Variants in DLEU7 observed in about 807,000 individuals in gnomAD.
DLEU7 encodes deleted in lymphocytic leukemia 7, also known as leukemia-associated protein 7.
A neutral mutation model predicts 16.0 loss-of-function variants in DLEU7; 17 were observed. The observed-to-expected ratio is 1.06, with a 90% CI of 0.73 to 1.59. The LOEUF is 1.59. DLEU7 is among the 40% of genes most tolerant of loss of function. The probability of loss-of-function intolerance (pLI) is 0.00; values close to 1 mark genes in which losing one functional copy is unlikely to be tolerated. For missense variants in DLEU7, 308 were observed against 314.9 expected, an observed-to-expected ratio of 0.98 and a Z score of 0.17; for synonymous variants, 113 against 139.8, an observed-to-expected ratio of 0.81 and a Z score of 1.35.
At chr13:50,715,311 C>A (rs1018566410) in intron 1 of DLEU7, 3 of 152,176 alleles carry the variant, frequency 2.0e-5, no homozygotes, top group African/African-American at 7.2e-5. Flanking sequence ...TTACCTTAAC[C>A]ACATCTGCAA....
At chr13:50,755,265 A>G (rs1262727379) in intron 1 of DLEU7, among the ~76,000 whole-genome samples, 1 of 152,192 alleles carries the variant, frequency 6.6e-6, no homozygotes, top group Admixed American at 6.5e-5. Context: ...GTTTTACTCT[A>G]TTATTCCCCC....
chr13:50,751,143 G>T (rs528479156), intron 1 of DLEU7, among the ~76,000 whole-genome samples: 158 of 152,288 alleles, frequency 1.0e-3, no homozygotes, highest in African/African-American at 3.6e-3. Flanking sequence ...ATCACAAAGG[G>T]ATGCTGGATT....
chr13:50,817,484 C>T (rs920681088), intron 1 of DLEU7, among the ~76,000 whole-genome samples: 4 of 152,088 alleles, frequency 2.6e-5, no homozygotes, highest in Non-Finnish European at 2.9e-5. Flanking sequence ...ACACTGGGAT[C>T]CCTGATGAGG....
Position 50,767,222 on chromosome 13 carries a change from G to A in DLEU7, c.460-53982C>T, listed in dbSNP as rs565001774. On this transcript the variant is annotated intron_variant, in intron 1 of 1. Transcript: ENST00000400393. Reference sequence around the variant, plus strand: ...TGTAATCCCAGCACTTTGGGAGGCCGAGGCGGGCAGATCATGAGGTCAGGA... The same window carrying A: ...TGTAATCCCAGCACTTTGGGAGGCCAAGGCGGGCAGATCATGAGGTCAGGA... Among the ~76,000 whole-genome samples the A allele has an allele frequency of 2.6e-5, 4 of 152,122 alleles. No homozygotes were observed. The East Asian group carries it at 5.8e-4, about 22-fold the overall frequency.
intron 1 of DLEU7, among the ~76,000 whole-genome samples, chr13:50,826,184 G>A (rs1021980893): frequency 3.3e-5 from 5 of 152,072 alleles, no homozygotes; most frequent in Non-Finnish European, 7.4e-5. Context: ...TGATACAACA[G>A]GAGGAGGAGC....
intron 1 of DLEU7, among the ~76,000 whole-genome samples, chr13:50,783,555 C>T (rs989007535): frequency 6.6e-6 from 1 of 152,122 alleles, no homozygotes; most frequent in African/African-American, 2.4e-5. Context: ...GCTTCCCTCC[C>T]TAGTATGGGG....
chr13:50,749,724 C>T (rs1260979714), intron 1 of DLEU7, among the ~76,000 whole-genome samples: 1 of 151,994 alleles, frequency 6.6e-6, no homozygotes, highest in African/African-American at 2.4e-5. Flanking sequence ...TTTGTTTGGC[C>T]ATTTGTATAT....
At chr13:50,756,618 G>C (rs983007067) in intron 1 of DLEU7, among the ~76,000 whole-genome samples, 1 of 152,154 alleles carries the variant, frequency 6.6e-6, no homozygotes, top group Non-Finnish European at 1.5e-5. Flanking sequence ...AGCAGGGCTT[G>C]AGAACTTGCC....
intron 1 of DLEU7, among the ~76,000 whole-genome samples, chr13:50,812,656 A>G (rs1414769837): frequency 2.6e-5 from 4 of 152,182 alleles, no homozygotes; most frequent in Non-Finnish European, 5.9e-5. Context: ...AAACAGCTTT[A>G]CATCAATCAC....
intron 1 of DLEU7, among the ~76,000 whole-genome samples, chr13:50,715,085 G>T (rs1291902354): frequency 6.6e-6 from 1 of 152,132 alleles, no homozygotes; most frequent in Non-Finnish European, 1.5e-5. Flanking sequence ...GCGGGCTGTC[G>T]GCGGGAACTG....
At chr13:50,718,415 G>A (rs898188350) in intron 1 of DLEU7, among the ~76,000 whole-genome samples, 5 of 152,196 alleles carry the variant, frequency 3.3e-5, no homozygotes, top group African/African-American at 9.7e-5. Flanking sequence ...TTGATTGAAC[G>A]TGAAGTCCTG....
At chr13:50,721,518 T>A (rs914673094) in intron 1 of DLEU7, among the ~76,000 whole-genome samples, 1 of 152,074 alleles carries the variant, frequency 6.6e-6, no homozygotes, top group African/African-American at 2.4e-5. Flanking sequence ...ATTCATAATA[T>A]ATATGACAGA....
At chr13:50,819,553 T>C (rs1876834231), downstream of DLEU7, among the ~76,000 whole-genome samples, 2 of 152,078 alleles carry the variant, frequency 1.3e-5, no homozygotes, top group African/African-American at 2.4e-5. Flanking sequence ...GAATAGTGGC[T>C]ATGGAAGTAG....
downstream of DLEU7, chr13:50,711,772 C>CCGGCGGGGGG: frequency 1.4e-3 from 103 of 73,012 alleles, 6 homozygotes; most frequent in African/African-American, 3.8e-3. Context: ...GACCCAGTGG[C>CCGGCGGGGGG]GGGGGCGGGG....
At chr13:50,735,803 G>T (rs1205967139) in intron 1 of DLEU7, among the ~76,000 whole-genome samples, 2 of 152,106 alleles carry the variant, frequency 1.3e-5, no homozygotes, top group Non-Finnish European at 1.5e-5. Context: ...AAACTACAAT[G>T]AATACCGCCT....
At chr13:50,742,958 C>A (rs961250111) in intron 1 of DLEU7, among the ~76,000 whole-genome samples, 3 of 152,112 alleles carry the variant, frequency 2.0e-5, no homozygotes, top group Non-Finnish European at 4.4e-5. Context: ...GTCTGGAATT[C>A]AGGGCAATAC....
chr13:50,755,562 T>C (rs762755560), intron 1 of DLEU7, among the ~76,000 whole-genome samples: 9 of 152,062 alleles, frequency 5.9e-5, no homozygotes, highest in Admixed American at 5.2e-4. Context: ...TTTTTTATGC[T>C]ATCTATTTCC....
At chr13:50,750,517 G>A (rs2137733553) in intron 1 of DLEU7, among the ~76,000 whole-genome samples, 1 of 152,220 alleles carries the variant, frequency 6.6e-6, no homozygotes, top group South Asian at 2.1e-4. Context: ...TTTGTAGATT[G>A]CTTTTGGCAG....
At chr13:50,752,825 C>T (rs946884604) in intron 1 of DLEU7, among the ~76,000 whole-genome samples, 1 of 152,096 alleles carries the variant, frequency 6.6e-6, no homozygotes, top group East Asian at 1.9e-4. Context: ...AAGAACAAAG[C>T]TTCCACAGTG....
Sources: gnomAD v4.1 joint callset for allele counts (sites outside exome capture counted in the v4.1 genomes callset) on GRCh38, gnomAD v4.1.1 for gene constraint, MANE v1.5 for transcripts, NCBI Gene and HGNC (gene_info 2026-07-23, HGNC 2026-07-21) for gene names.